The following FHIT variants were observed in gnomAD, a reference collection of about 807,000 sequenced individuals.
FHIT encodes the protein fragile histidine triad diadenosine triphosphatase, also known as bis(5'-adenosyl)-triphosphatase.
A neutral mutation model predicts 17.9 loss-of-function variants in FHIT; 19 were observed. That is an observed-to-expected ratio of 1.06 (90% CI 0.74 to 1.56). The LOEUF is 1.56. FHIT is among the 40% of genes most tolerant of loss of function. The probability of loss-of-function intolerance (pLI) is 0.00; values close to 1 mark genes in which losing one functional copy is unlikely to be tolerated. For missense variants in FHIT, 248 were observed against 189.2 expected, an observed-to-expected ratio of 1.31 and a Z score of -1.82; for synonymous variants, 81 against 69.7, an observed-to-expected ratio of 1.16 and a Z score of -0.81.
chr3:60,587,514 T>G (rs1003241029), intron 4 of FHIT, among the ~76,000 whole-genome samples: 1 of 149,254 alleles, frequency 6.7e-6, no homozygotes, highest in Middle Eastern at 3.6e-3. Context: ...GAACTTAAAA[T>G]AAAATTTAAA....
At chr3:59,869,805 A>G (rs1406231956) in intron 8 of FHIT, among the ~76,000 whole-genome samples, 1 of 151,934 alleles carries the variant, frequency 6.6e-6, no homozygotes, top group African/African-American at 2.4e-5. Flanking sequence ...CATTTTTAAA[A>G]TACCATTTAA....
Position 60,073,389 on chromosome 3 carries a change from A to G in FHIT, c.104-59237T>C, listed in dbSNP as rs569287796. On this transcript the variant is annotated intron_variant, in intron 5 of 9. Transcript: ENST00000492590. The stretch of plus-strand genomic sequence containing the variant: ...ATCTTATATTAAAAGAGAGAAAAGG[A>G]TGACAGCTCTGTATCTATCACCTAT... Among the ~76,000 whole-genome samples, 3 of 152,220 alleles carry G rather than the reference A, an allele frequency of 2.0e-5. No individual in the cohort carries two copies. The South Asian group carries it at 6.2e-4, about 32-fold the overall frequency.
chr3:60,982,341 C>T (rs1279440039), intron 3 of FHIT, among the ~76,000 whole-genome samples: 1 of 152,218 alleles, frequency 6.6e-6, no homozygotes, highest in Non-Finnish European at 1.5e-5. Context: ...ACCATGTGAA[C>T]TGTGGAGCTT....
At position 59,808,754 on chromosome 3, in the gene FHIT, T is replaced by A. The variant is rs543533833; in HGVS notation, c.349-56433A>T. 2.6e-5 allele frequency among the ~76,000 whole-genome samples: 4 copies of A among 152,224 alleles called. No homozygotes were observed. In the East Asian group the frequency reaches 7.7e-4, roughly 29 times the overall value. On this transcript the variant is annotated intron_variant, in intron 8 of 9. Coordinates refer to ENST00000492590, the MANE Select transcript of FHIT (RefSeq NM_002012.4). ...CTTTAACTACACCGATTTGGCCCAA[T>A]AGGCTCGGGGATAATCTATAAGACC...
chr3:61,208,406 C>G (rs1485278837), intron 1 of FHIT, among the ~76,000 whole-genome samples: 1 of 152,002 alleles, frequency 6.6e-6, no homozygotes, highest in African/African-American at 2.4e-5. Flanking sequence ...CTAATGTTGA[C>G]AGTGGGGTAT....
intron 4 of FHIT, among the ~76,000 whole-genome samples, chr3:60,563,181 G>A (rs534622208): frequency 6.6e-6 from 1 of 152,248 alleles, no homozygotes; most frequent in South Asian, 2.1e-4. Flanking sequence ...GAGCCCGATG[G>A]GAAGCGGTAG....
chr3:59,909,354 G>A (rs186471015), intron 8 of FHIT, among the ~76,000 whole-genome samples: 1 of 151,738 alleles, frequency 6.6e-6, no homozygotes, highest in Non-Finnish European at 1.5e-5. Flanking sequence ...TTTTTAGGTG[G>A]AGTCTGGCTC....
intron 1 of FHIT, among the ~76,000 whole-genome samples, chr3:61,215,224 C>T (rs2039633979): frequency 1.3e-5 from 2 of 151,906 alleles, no homozygotes; most frequent in East Asian, 1.9e-4. Flanking sequence ...ACAAATTGTC[C>T]CTGTTTGCAG....
intron 5 of FHIT, among the ~76,000 whole-genome samples, chr3:60,258,642 G>A (rs567547087): frequency 7.2e-5 from 11 of 152,200 alleles, no homozygotes; most frequent in Non-Finnish European, 1.5e-4. Flanking sequence ...ACAAAAGGTA[G>A]ATCAACAAGG....
At chr3:60,668,906 A>G (rs554252367) in intron 4 of FHIT, among the ~76,000 whole-genome samples, 1 of 152,228 alleles carries the variant, frequency 6.6e-6, no homozygotes, top group East Asian at 1.9e-4. Flanking sequence ...CTCTTGTACC[A>G]TTACCAGAGT....
At chr3:59,969,905 A>G (rs1708099502) in intron 7 of FHIT, among the ~76,000 whole-genome samples, 1 of 152,126 alleles carries the variant, frequency 6.6e-6, no homozygotes, top group Non-Finnish European at 1.5e-5. Flanking sequence ...TGGCCTTGGG[A>G]ATTTCAAGTA....
chr3:60,482,837 C>T (rs917963345), intron 5 of FHIT, among the ~76,000 whole-genome samples: 3 of 151,188 alleles, frequency 2.0e-5, no homozygotes, highest in Non-Finnish European at 2.9e-5. Context: ...CAGAGCAGAA[C>T]TGAAGGAGAT....
intron 4 of FHIT, chr3:60,553,346 G>C (rs1254905412): frequency 1.3e-5 from 12 of 945,272 alleles, no homozygotes; most frequent in Non-Finnish European, 1.5e-5. Flanking sequence ...CTCAAGTGAG[G>C]ACTTGTGTTT....
At chr3:60,645,268 C>T (rs2039828000) in intron 4 of FHIT, among the ~76,000 whole-genome samples, 1 of 152,140 alleles carries the variant, frequency 6.6e-6, no homozygotes, top group Admixed American at 6.5e-5. Flanking sequence ...ATATTGGCCA[C>T]TTCGCAAGCA....
At chr3:60,512,943 C>G (rs551287911) in intron 5 of FHIT, among the ~76,000 whole-genome samples, 2 of 152,252 alleles carry the variant, frequency 1.3e-5, no homozygotes, top group South Asian at 2.1e-4. Context: ...TTGACTGGAT[C>G]TGTGTCATGG....
At chr3:59,962,850 C>A (rs542970353) in intron 7 of FHIT, among the ~76,000 whole-genome samples, 64 of 152,174 alleles carry the variant, frequency 4.2e-4, no homozygotes, top group Non-Finnish European at 8.4e-4. Flanking sequence ...AATAGAACAA[C>A]TGAATCCATC....
At chr3:60,735,514 G>A (rs1553712365) in intron 4 of FHIT, among the ~76,000 whole-genome samples, 1 of 152,154 alleles carries the variant, frequency 6.6e-6, no homozygotes, top group East Asian at 1.9e-4. Flanking sequence ...ATTGTGAAAG[G>A]GAAGAATTTA....
At chr3:59,843,636 A>C (rs1701610708) in intron 8 of FHIT, among the ~76,000 whole-genome samples, 1 of 152,116 alleles carries the variant, frequency 6.6e-6, no homozygotes, top group African/African-American at 2.4e-5. Context: ...GGTTAAGCTA[A>C]TTCCTAAGTA....
chr3:60,032,733 A>C (rs1701054974), intron 5 of FHIT, among the ~76,000 whole-genome samples: 1 of 152,222 alleles, frequency 6.6e-6, no homozygotes, highest in Non-Finnish European at 1.5e-5. Flanking sequence ...TCTGAAAATA[A>C]TCCATAGACC....
Sources: gnomAD v4.1 joint callset for allele counts (sites outside exome capture counted in the v4.1 genomes callset) on GRCh38, gnomAD v4.1.1 for gene constraint, MANE v1.5 for transcripts, NCBI Gene and HGNC (gene_info 2026-07-23, HGNC 2026-07-21) for gene names.